The following UNC5B variants were observed in gnomAD, a reference collection of about 807,000 sequenced individuals.
The protein encoded by UNC5B is netrin receptor UNC5B.
In UNC5B, 56 loss-of-function variants were observed where a neutral mutation model predicts 103.7. The observed-to-expected ratio is 0.54, with a 90% confidence interval of 0.44 to 0.67. The LOEUF (loss-of-function observed/expected upper bound fraction) is 0.67, where lower values mean the gene tolerates loss of function less well. Among genes scored for constraint, UNC5B ranks in the 30% least tolerant of loss-of-function variants. The pLI is 0.00. For synonymous variants in UNC5B, 577 were observed against 542.0 expected (o/e 1.06, Z -0.90); for missense variants, 1,194 against 1,284.5 (o/e 0.93, Z 1.08).
At chr10:71,278,719 G>T (rs4415678) in intron 1 of UNC5B, among the ~76,000 whole-genome samples, 108,451 of 152,088 alleles carry the variant, frequency 0.71, 39,699 homozygotes, top group Non-Finnish European at 0.79. Context: ...GACACCACCC[G>T]CTCCCCTCCC....
intron 8 of UNC5B, among the ~76,000 whole-genome samples, chr10:71,289,197 T>C (rs10762436): frequency 0.77 from 117,822 of 152,168 alleles, 46,685 homozygotes; most frequent in Middle Eastern, 0.86. Context: ...AAGAAAGGCC[T>C]TAGGGCACCC....
intron 1 of UNC5B, among the ~76,000 whole-genome samples, chr10:71,230,618 G>T (rs988965056): frequency 6.6e-6 from 1 of 152,244 alleles, no homozygotes; most frequent in African/African-American, 2.4e-5. Flanking sequence ...CTGGAGCCTG[G>T]CACAGCCTCC....
intron 1 of UNC5B, among the ~76,000 whole-genome samples, chr10:71,271,276 C>T (rs544981816): frequency 2.0e-5 from 3 of 152,326 alleles, no homozygotes; most frequent in East Asian, 3.9e-4. Flanking sequence ...GGAACAGCTT[C>T]GCAGGGTCAT....
At chr10:71,292,722 G>T (rs752438338) in intron 11 of UNC5B, among the ~76,000 whole-genome samples, 168 bp downstream of exon 11, 8 of 152,224 alleles carry the variant, frequency 5.3e-5, no homozygotes, top group Non-Finnish European at 8.8e-5. Context: ...ACCGTAAATT[G>T]TAAAACTCAA....
At chr10:71,243,548 T>C (rs1005636677) in intron 1 of UNC5B, among the ~76,000 whole-genome samples, 2 of 152,220 alleles carry the variant, frequency 1.3e-5, no homozygotes, top group East Asian at 1.9e-4. Context: ...ATGGCACAGC[T>C]CTGAAGGCTT....
intron 1 of UNC5B, among the ~76,000 whole-genome samples, chr10:71,256,759 A>G (rs1844299877): frequency 6.6e-6 from 1 of 152,234 alleles, no homozygotes; most frequent in Non-Finnish European, 1.5e-5. Flanking sequence ...TGATATTCTT[A>G]GAACATCCAA....
chr10:71,272,763 T>C (rs1175635581), intron 1 of UNC5B, among the ~76,000 whole-genome samples: 11 of 152,208 alleles, frequency 7.2e-5, no homozygotes, highest in Non-Finnish European at 2.9e-5. Context: ...CTGGTCTACG[T>C]GGGCTCAGAT....
chr10:71,294,251 G>T (rs574390225), intron 13 of UNC5B, among the ~76,000 whole-genome samples: 262 of 152,340 alleles, frequency 1.7e-3, no homozygotes, highest in Non-Finnish European at 3.2e-3. Flanking sequence ...ACATGTAGGA[G>T]TTTCAGCAGA....
intron 1 of UNC5B, among the ~76,000 whole-genome samples, chr10:71,233,726 C>T (rs943681976): frequency 6.6e-6 from 1 of 152,220 alleles, no homozygotes; most frequent in African/African-American, 2.4e-5. Flanking sequence ...GGGTGGGGCA[C>T]AGGGAACTGG....
At chr10:71,215,232 C>T (rs1843306539) in intron 1 of UNC5B, among the ~76,000 whole-genome samples, 1 of 152,234 alleles carries the variant, frequency 6.6e-6, no homozygotes, top group South Asian at 2.1e-4. Context: ...TGTTGGCTTT[C>T]TCCAAATCTT....
intron 3 of UNC5B, among the ~76,000 whole-genome samples, chr10:71,285,117 G>T (rs1175587530): frequency 6.6e-6 from 1 of 152,224 alleles, no homozygotes; most frequent in Admixed American, 6.5e-5. Flanking sequence ...ATATGCTTAG[G>T]ATCCCAGAGT....
chr10:71,217,216 C>T (rs1277168373), intron 1 of UNC5B: 1 of 152,722 alleles, frequency 6.5e-6, no homozygotes, highest in African/African-American at 2.4e-5. Context: ...TGAAACCAAA[C>T]AAGTGCGTTC....
chr10:71,293,807 G>C lies in UNC5B; in HGVS notation c.2049G>C (p.Thr683=), dbSNP rs138148680. ...ACCAGCTGGGCACCTACGTGTTCAC[G>C]GGCGAGTCCTATTCCCGCTCAGCAG... ...LLDQLGTYVF[T]GESYSRSAVK... The change falls in exon 13 of 17, where the codon ACG becomes ACC. Residue 683 remains threonine (T), a synonymous_variant. Transcript: ENST00000335350. 1.9e-6 allele frequency: 3 copies of C among 1,609,340 alleles called. No homozygotes were observed. In the East Asian group the frequency reaches 6.8e-5, roughly 36 times the overall value.
At chr10:71,248,867 T>TCA (rs56852987) in intron 1 of UNC5B, among the ~76,000 whole-genome samples, 802 of 26,588 alleles carry the variant, frequency 0.03, 5 homozygotes, top group African/African-American at 0.049. Context: ...TCTCTCTCTC[T>TCA]CACACACACA....
chr10:71,274,965 G>A (rs1407332893), intron 1 of UNC5B, among the ~76,000 whole-genome samples: 2 of 152,242 alleles, frequency 1.3e-5, no homozygotes, highest in Non-Finnish European at 2.9e-5. Flanking sequence ...GTTAGAAGCA[G>A]AGGAGGGCTT....
intron 1 of UNC5B, among the ~76,000 whole-genome samples, chr10:71,246,267 G>A (rs1374909771): frequency 6.6e-6 from 1 of 152,194 alleles, no homozygotes; most frequent in Non-Finnish European, 1.5e-5. Context: ...GAGGTATGAC[G>A]CTGAGGAGGC....
chr10:71,268,460 A>T (rs568431932), intron 1 of UNC5B, among the ~76,000 whole-genome samples: 2 of 151,938 alleles, frequency 1.3e-5, no homozygotes, highest in African/African-American at 2.4e-5. Context: ...CCAGCTGGAG[A>T]TGAAGGGTCC....
chr10:71,292,005 C>T (rs1391672874), intron 10 of UNC5B, among the ~76,000 whole-genome samples, 184 bp downstream of exon 10: 1 of 152,206 alleles, frequency 6.6e-6, no homozygotes, highest in Non-Finnish European at 1.5e-5. Flanking sequence ...AGGCTTCAAG[C>T]CTGCCTATGC....
In UNC5B at chr10:71,288,750, T is replaced by C. The variant is rs754952315; in HGVS notation, c.1066+18T>C. ...CATGCAAAGTGAGTCACAGGGAAGG[T>C]GGGGCCCTGGGGGTGGGGACTCTGG... On this transcript the variant is annotated intron_variant, in intron 7 of 16. Coordinates refer to ENST00000335350, the MANE Select transcript of UNC5B (RefSeq NM_170744.5). 3 of 1,592,096 alleles carry C rather than the reference T, an allele frequency of 1.9e-6. No homozygotes were observed. In the Admixed American group the frequency reaches 5.2e-5, roughly 28 times the overall value.
Sources: gnomAD v4.1 joint callset for allele counts (sites outside exome capture counted in the v4.1 genomes callset) on GRCh38, gnomAD v4.1.1 for gene constraint, MANE v1.5 for transcripts, NCBI Gene and HGNC (gene_info 2026-07-23, HGNC 2026-07-21) for gene names.